Variants in SAXO1 observed in about 807,000 individuals in gnomAD.
SAXO1 encodes 4930500O09Rik.
In SAXO1, 21 loss-of-function variants were observed where a neutral mutation model predicts 17.5. The ratio of observed to expected loss-of-function variants is 1.20; its 90% confidence interval spans 0.85 to 1.72. The LOEUF (loss-of-function observed/expected upper bound fraction) is 1.72, where lower values mean the gene tolerates loss of function less well. Among genes scored for constraint, SAXO1 ranks in the 40% most tolerant of loss-of-function variants. The pLI is 0.00. For missense variants in SAXO1, 843 were observed against 596.0 expected, an observed-to-expected ratio of 1.41 and a Z score of -4.32; for synonymous variants, 274 against 216.5, an observed-to-expected ratio of 1.27 and a Z score of -2.33.
chr9:19,017,040 G>A (rs946012690), intron 1 of SAXO1, among the ~76,000 whole-genome samples: 2 of 152,040 alleles, frequency 1.3e-5, no homozygotes, highest in Non-Finnish European at 2.9e-5. Flanking sequence ...CTGGCATGGT[G>A]GCTCATGCCT....
rs371500934 is a variant in SAXO1 at position 18,985,019 on chromosome 9, T to C, written c.39-34082A>G. Among the ~76,000 whole-genome samples the C allele has an allele frequency of 2.2e-4, 33 of 152,268 alleles. No homozygotes were observed. In the South Asian group the frequency reaches 6.6e-3, roughly 31 times the overall value. ...CCCTAATTTCAATTATTTGTACTAA[T>C]TTCAAATATTTGCCCTATTTTCAGA... On this transcript the variant is annotated intron_variant, in intron 1 of 3. Coordinates refer to ENST00000380534, the MANE Select transcript of SAXO1 (RefSeq NM_153707.4).
intron 1 of SAXO1, among the ~76,000 whole-genome samples, chr9:18,965,643 T>A (rs1278179547): frequency 6.6e-6 from 1 of 152,184 alleles, no homozygotes; most frequent in Non-Finnish European, 1.5e-5. Context: ...TGTGTGTCTT[T>A]GCATGTGAGA....
intron 1 of SAXO1, among the ~76,000 whole-genome samples, chr9:18,956,846 A>G (rs982157156): frequency 1.4e-4 from 22 of 152,356 alleles, no homozygotes; most frequent in African/African-American, 5.0e-4. Context: ...CTAATCTCAC[A>G]GCAATGCGAT....
intron 3 of SAXO1, among the ~76,000 whole-genome samples, chr9:18,937,626 A>G (rs1977445): frequency 0.69 from 104,200 of 152,004 alleles, 36,527 homozygotes; most frequent in African/African-American, 0.83. Flanking sequence ...TGCATCATGC[A>G]GGCTCCACCT....
At position 19,004,274 on chromosome 9, in the gene SAXO1, A is replaced by G. The variant is rs558705133; in HGVS notation, c.38+28597T>C. Among the ~76,000 whole-genome samples, 461 of 152,364 alleles carry G rather than the reference A, an allele frequency of 3.0e-3. 8 individuals carry two copies. In the South Asian group the frequency reaches 0.045, roughly 15 times the overall value. On this transcript the variant is annotated intron_variant, in intron 1 of 3. Coordinates refer to ENST00000380534, the MANE Select transcript of SAXO1 (RefSeq NM_153707.4). ...GATGTGGAGAAATAGGAATGCTTTT[A>G]CACTGTTGGTGGGAATGTAAATTAG...
At chr9:18,938,538 G>T (rs1232944069) in intron 3 of SAXO1, among the ~76,000 whole-genome samples, 1 of 151,878 alleles carries the variant, frequency 6.6e-6, no homozygotes, top group East Asian at 1.9e-4. Context: ...GGGGCAGGGG[G>T]GTGCTAAACC....
intron 2 of SAXO1, among the ~76,000 whole-genome samples, chr9:18,947,025 AG>A (rs111478307): frequency 0.084 from 12,785 of 152,258 alleles, 941 homozygotes; most frequent in African/African-American, 0.2. Context: ...AATTACTTGA[AG>A]AAATAATGGC....
At chr9:18,972,256 C>T (rs1369669547) in intron 1 of SAXO1, among the ~76,000 whole-genome samples, 1 of 152,144 alleles carries the variant, frequency 6.6e-6, no homozygotes, top group Non-Finnish European at 1.5e-5. Context: ...AAATAAGATT[C>T]ACAAAAATAA....
intron 3 of SAXO1, among the ~76,000 whole-genome samples, chr9:18,932,495 T>TA (rs1272981004): frequency 6.6e-6 from 1 of 152,258 alleles, no homozygotes; most frequent in Non-Finnish European, 1.5e-5. Context: ...TTTTCAAAAA[T>TA]ACTTTCAGCT....
At chr9:18,984,698 T>C (rs1295852152) in intron 1 of SAXO1, among the ~76,000 whole-genome samples, 1 of 152,212 alleles carries the variant, frequency 6.6e-6, no homozygotes, top group Non-Finnish European at 1.5e-5. Flanking sequence ...TAAGGGAATG[T>C]TGTGGCTGCT....
In SAXO1 at chr9:18,998,975, C is replaced by A. The variant is rs531490560; in HGVS notation, c.38+33896G>T. ...AGGAAGCACTAAATACAGAAAGGAACAACCAGTACCAGCCACTGCAAAAAC... is the reference window on the plus strand; with the variant it reads ...AGGAAGCACTAAATACAGAAAGGAAAAACCAGTACCAGCCACTGCAAAAAC... On this transcript the variant is annotated intron_variant, in intron 1 of 3. Transcript: ENST00000380534. Among the ~76,000 whole-genome samples the A allele has an allele frequency of 1.9e-4, 29 of 152,328 alleles. No homozygotes were observed. In the South Asian group the frequency reaches 6.0e-3, roughly 32 times the overall value.
chr9:18,994,308 G>C (rs190314281), intron 1 of SAXO1, among the ~76,000 whole-genome samples: 1 of 152,190 alleles, frequency 6.6e-6, no homozygotes, highest in African/African-American at 2.4e-5. Context: ...TGACGACAAT[G>C]TGCCATGTAC....
chr9:18,932,331 A>G (rs893202303), intron 3 of SAXO1, among the ~76,000 whole-genome samples: 3 of 152,224 alleles, frequency 2.0e-5, no homozygotes, highest in Non-Finnish European at 4.4e-5. Context: ...TGAGAAGTTA[A>G]CGACAATAGA....
chr9:19,001,795 A>G (rs1004811709), intron 1 of SAXO1, among the ~76,000 whole-genome samples: 3 of 152,224 alleles, frequency 2.0e-5, no homozygotes, highest in Non-Finnish European at 4.4e-5. Flanking sequence ...AGAAAGCATG[A>G]AAGATCTAAA....
chr9:18,962,303 G>T (rs894096900), intron 1 of SAXO1, among the ~76,000 whole-genome samples: 1 of 152,160 alleles, frequency 6.6e-6, no homozygotes, highest in African/African-American at 2.4e-5. Context: ...CCCGAACTCA[G>T]ATGATCTGCC....
chr9:19,040,406 G>T (rs1250522780), intron 1 of SAXO1, among the ~76,000 whole-genome samples: 1 of 152,128 alleles, frequency 6.6e-6, no homozygotes, highest in Admixed American at 6.6e-5. Flanking sequence ...TCTCTGGGAG[G>T]CTGAGGCACA....
chr9:18,969,381 C>A (rs887501556), intron 1 of SAXO1, among the ~76,000 whole-genome samples: 2 of 152,132 alleles, frequency 1.3e-5, no homozygotes, highest in Admixed American at 1.3e-4. Flanking sequence ...AATCTAGGAC[C>A]CTGTGAATTT....
intron 1 of SAXO1, among the ~76,000 whole-genome samples, chr9:19,047,690 A>C (rs547605796): frequency 6.6e-6 from 1 of 152,362 alleles, no homozygotes; most frequent in East Asian, 1.9e-4. Context: ...GGAGCAACAG[A>C]GCAATGCCTC....
upstream of SAXO1, among the ~76,000 whole-genome samples, chr9:19,036,763 G>A (rs1201048434): frequency 1.3e-5 from 2 of 152,312 alleles, no homozygotes; most frequent in East Asian, 1.9e-4. Context: ...CTCTGCTAGG[G>A]CAATGTGAAA....
Sources: gnomAD v4.1 joint callset for allele counts (sites outside exome capture counted in the v4.1 genomes callset) on GRCh38, gnomAD v4.1.1 for gene constraint, MANE v1.5 for transcripts, NCBI Gene and HGNC (gene_info 2026-07-23, HGNC 2026-07-21) for gene names.